The following SMAD7 variants were observed in gnomAD, a reference collection of about 807,000 sequenced individuals.
The protein encoded by SMAD7 is SMAD family member 7.
SMAD7 carries 8 observed loss-of-function variants against 38.7 expected under a neutral mutation model. The observed-to-expected ratio is 0.21, with a 90% CI of 0.12 to 0.37. SMAD7 has a LOEUF of 0.37. Ranked by LOEUF, SMAD7 falls within the 10% of genes least tolerant of loss-of-function variation. The pLI is 1.00. For missense variants in SMAD7, 477 were observed against 577.9 expected (o/e 0.83, Z 1.79); for synonymous variants, 327 against 265.1 (o/e 1.23, Z -2.27).
At position 48,921,717 on chromosome 18, in the gene SMAD7, C is replaced by G; in HGVS notation, c.936G>C (p.Lys312Asn). 6.2e-7 allele frequency: 1 copy of G among 1,614,180 alleles called. No individual in the cohort carries two copies. The highest frequency in any genetic ancestry group is 8.5e-7 in the Non-Finnish European group (1 of 1,180,024). The change falls in exon 4 of 4, where the codon AAG becomes AAC. Residue 312 changes from lysine (K) to asparagine (N), a missense_variant. Physicochemically the swap from Lys to Asn is moderately conservative, Grantham distance 94. Coordinates refer to ENST00000262158, the MANE Select transcript of SMAD7 (RefSeq NM_005904.4). The surrounding 1 kb of genome is among the most constrained non-coding windows in gnomAD (Gnocchi z 6.4). ...NSDNKSQLVQKVRSKIGCGIQ... is the reference protein window; with the variant it reads ...NSDNKSQLVQNVRSKIGCGIQ... ...TGCCGCAGCCGATTTTGCTCCGCAC[C>G]TTCTGCACCAGCTGACTCTTGTTGT...
chr18:48,930,030 A>G (rs1351475883), intron 3 of SMAD7: 2 of 152,152 alleles, frequency 1.3e-5, no homozygotes, highest in Admixed American at 6.6e-5. Context: ...ATTCCGGCCA[A>G]TAAATTCCAA....
intron 2 of SMAD7, among the ~76,000 whole-genome samples, chr18:48,947,904 C>T (rs865869205): frequency 2.3e-4 from 31 of 134,958 alleles, no homozygotes; most frequent in Middle Eastern, 4.2e-3. Context: ...CCCCCCCCCC[C>T]TTTTACTGGC....
intron 3 of SMAD7, among the ~76,000 whole-genome samples, chr18:48,937,098 T>A (rs953833194): frequency 6.6e-6 from 1 of 151,272 alleles, no homozygotes; most frequent in Admixed American, 6.6e-5. Context: ...AAAAAAAAAA[T>A]TAAAACATTA....
At chr18:48,932,743 C>G (rs542624866) in intron 3 of SMAD7, among the ~76,000 whole-genome samples, 3 of 152,350 alleles carry the variant, frequency 2.0e-5, no homozygotes, top group African/African-American at 7.2e-5. Flanking sequence ...GCCTCACACA[C>G]AGGGCTGACA....
At chr18:48,937,434 A>G (rs2070083568) in intron 3 of SMAD7, among the ~76,000 whole-genome samples, 1 of 152,208 alleles carries the variant, frequency 6.6e-6, no homozygotes, top group Non-Finnish European at 1.5e-5. Context: ...GTGAGGCGGC[A>G]GCAGACCATC....
intron 3 of SMAD7, among the ~76,000 whole-genome samples, chr18:48,924,579 T>C (rs556566880): frequency 6.6e-6 from 1 of 152,248 alleles, no homozygotes; most frequent in African/African-American, 2.4e-5. Flanking sequence ...TCTGCTGAGG[T>C]TAATGGCCCA....
chr18:48,931,492 T>A (rs1019180892), intron 3 of SMAD7, among the ~76,000 whole-genome samples: 1 of 152,188 alleles, frequency 6.6e-6, no homozygotes, highest in African/African-American at 2.4e-5. Context: ...TGGTATAGCA[T>A]GCATTTTTCT....
chr18:48,921,942 G>GGGACA lies in SMAD7; in HGVS notation c.743-37_743-33dup. On this transcript the variant is annotated intron_variant, in intron 3 of 3. Coordinates refer to ENST00000262158, the MANE Select transcript of SMAD7 (RefSeq NM_005904.4). The surrounding 1 kb of genome is among the most constrained non-coding windows in gnomAD (Gnocchi z 6.4). ...AACACATTGGCAGAGAGGGTTAGTG[G>GGGACA]GGACAGGCATTGGTGACTCCTAGAA... is the stretch of plus-strand genomic sequence containing the variant. The GGGACA allele has an allele frequency of 6.5e-7, 1 of 1,547,460 alleles. No individual in the cohort carries two copies.
At chr18:48,926,499 A>G (rs1484907620) in intron 3 of SMAD7, among the ~76,000 whole-genome samples, 3 of 152,252 alleles carry the variant, frequency 2.0e-5, no homozygotes, top group Non-Finnish European at 1.5e-5. Context: ...CCAAAGTCCA[A>G]CAGGGCCACG....
At chr18:48,946,492 C>T (rs1052309814) in intron 2 of SMAD7, among the ~76,000 whole-genome samples, 1 of 152,180 alleles carries the variant, frequency 6.6e-6, no homozygotes, top group Non-Finnish European at 1.5e-5. Context: ...CAATTCCCTT[C>T]GTGGGGGCTT....
chr18:48,946,965 A>G (rs550624661), intron 2 of SMAD7, among the ~76,000 whole-genome samples: 85 of 152,304 alleles, frequency 5.6e-4, no homozygotes, highest in Admixed American at 1.3e-3. Context: ...AAACCTCCAA[A>G]TTTGAAGAAT....
At chr18:48,923,039 G>T (rs2069882141) in intron 3 of SMAD7, among the ~76,000 whole-genome samples, 1 of 152,166 alleles carries the variant, frequency 6.6e-6, no homozygotes, top group South Asian at 2.1e-4. Context: ...TCAGACTTGG[G>T]ACCATAAATC....
chr18:48,925,828 G>A (rs2069920989), intron 3 of SMAD7, among the ~76,000 whole-genome samples: 1 of 151,866 alleles, frequency 6.6e-6, no homozygotes, highest in African/African-American at 2.4e-5. Context: ...CTCACTGCAA[G>A]CTCCGCCTCC....
chr18:48,925,471 A>G (rs1310066587), intron 3 of SMAD7, among the ~76,000 whole-genome samples: 1 of 152,118 alleles, frequency 6.6e-6, no homozygotes, highest in Non-Finnish European at 1.5e-5. Flanking sequence ...AAAGCATAAA[A>G]TCCTCCCTTT....
chr18:48,941,793 A>G (rs1242445369), intron 3 of SMAD7, among the ~76,000 whole-genome samples: 1 of 152,144 alleles, frequency 6.6e-6, no homozygotes, highest in Non-Finnish European at 1.5e-5. Context: ...CTCAGGAACA[A>G]CAATGCTCTG....
chr18:48,939,902 C>T (rs2070117431), intron 3 of SMAD7, among the ~76,000 whole-genome samples: 1 of 151,046 alleles, frequency 6.6e-6, no homozygotes, highest in South Asian at 2.1e-4. Flanking sequence ...AGTCACTGGC[C>T]TCATCCACAG....
At chr18:48,925,967 C>G (rs113187646) in intron 3 of SMAD7, among the ~76,000 whole-genome samples, 3 of 152,162 alleles carry the variant, frequency 2.0e-5, no homozygotes, top group Non-Finnish European at 4.4e-5. Flanking sequence ...AGGATGGTCT[C>G]GATCTCCTGA....
rs2069852431 is a variant in SMAD7 at position 48,921,082 on chromosome 18, TTGG to T, written c.*287_*289del. The T allele has an allele frequency of 6.4e-5, 28 of 439,202 alleles. 1 individual carries two copies. In the South Asian group the frequency reaches 7.1e-4, roughly 11 times the overall value. 27.2% of individuals were successfully genotyped at this position (439,202 alleles called of 1,614,324 possible). A position where few individuals can be genotyped will look rare whatever the true frequency, so the allele number is the denominator to read the frequency against. On this transcript the variant is annotated 3_prime_UTR_variant, in exon 4 of 4. Transcript: ENST00000262158. The surrounding 1 kb of genome is among the most constrained non-coding windows in gnomAD (Gnocchi z 6.4). Reference sequence around the variant, plus strand: ...GACCGCCCCCCTTCATACACTGTGTTTGGTGGTGCTTGGATTTCTGCTTCCCCT... The same window carrying T: ...GACCGCCCCCCTTCATACACTGTGTTTGGTGCTTGGATTTCTGCTTCCCCT...
At chr18:48,943,446 A>G (rs1301110240) in intron 2 of SMAD7, among the ~76,000 whole-genome samples, 2 of 152,198 alleles carry the variant, frequency 1.3e-5, no homozygotes, top group African/African-American at 4.8e-5. Context: ...CAGCTGAGAA[A>G]CAGTCTCCAC....
Sources: allele counts gnomAD v4.1 joint callset (sites outside exome capture counted in the v4.1 genomes callset), GRCh38; gene constraint gnomAD v4.1.1; non-coding constraint Gnocchi (gnomAD v3.1); transcripts MANE v1.5; gene names NCBI Gene and HGNC (gene_info 2026-07-23, HGNC 2026-07-21).